The following CTNNBIP1 variants were observed in gnomAD, a reference collection of about 807,000 sequenced individuals.
CTNNBIP1 encodes catenin beta interacting protein 1, also known as beta-catenin-interacting protein 1.
A neutral mutation model predicts 11.8 loss-of-function variants in CTNNBIP1; 7 were observed. That is an observed-to-expected ratio of 0.60 (90% CI 0.34 to 1.12). The LOEUF (loss-of-function observed/expected upper bound fraction) is 1.12, where lower values mean the gene tolerates loss of function less well. CTNNBIP1 is among the 50% of genes most tolerant of loss of function. The probability of loss-of-function intolerance (pLI) is 0.03; values close to 1 mark genes in which losing one functional copy is unlikely to be tolerated. For missense variants in CTNNBIP1, 101 were observed against 113.4 expected (o/e 0.89, Z 0.50); for synonymous variants, 58 against 43.9 (o/e 1.32, Z -1.26).
chr1:9,863,098 C>G (rs1638667805), intron 5 of CTNNBIP1, among the ~76,000 whole-genome samples: 1 of 152,020 alleles, frequency 6.6e-6, no homozygotes, highest in South Asian at 2.1e-4. Flanking sequence ...GCTGAGTAAG[C>G]AGCTGGGGTC....
chr1:9,850,831 C>CAGGACAAGCAAGGAGGCTG (rs1638367715), intron 5 of CTNNBIP1, 55 bp from the exon 6 acceptor site: 2 of 1,562,154 alleles, frequency 1.3e-6, no homozygotes, highest in Non-Finnish European at 1.8e-6. Flanking sequence ...GGCTTGCGAA[C>CAGGACAAGCAAGGAGGCTG]AGGACAAGCA....
chr1:9,854,348 A>G (rs1405425646), intron 5 of CTNNBIP1, among the ~76,000 whole-genome samples: 2 of 149,316 alleles, frequency 1.3e-5, no homozygotes, highest in African/African-American at 5.0e-5. Flanking sequence ...AGCCTGGGCA[A>G]CAAGAGTGAA....
At chr1:9,902,362 A>T (rs1391012720) in intron 1 of CTNNBIP1, among the ~76,000 whole-genome samples, 2 of 152,192 alleles carry the variant, frequency 1.3e-5, no homozygotes, top group African/African-American at 4.8e-5. Context: ...CTTTGAAAAG[A>T]AATCCTCAAT....
At chr1:9,907,977 C>T (rs1371467382) in intron 1 of CTNNBIP1, among the ~76,000 whole-genome samples, 2 of 152,234 alleles carry the variant, frequency 1.3e-5, no homozygotes, top group African/African-American at 4.8e-5. Context: ...TAAAACCCTC[C>T]AATGGCCTCT....
intron 5 of CTNNBIP1, among the ~76,000 whole-genome samples, chr1:9,864,008 C>T (rs552873589): frequency 4.9e-4 from 75 of 152,338 alleles, no homozygotes; most frequent in Admixed American, 1.1e-3. Context: ...CAGTGTAACC[C>T]TCAAGCCAAC....
chr1:9,854,802 G>A (rs970811968), intron 5 of CTNNBIP1, among the ~76,000 whole-genome samples: 7 of 152,014 alleles, frequency 4.6e-5, no homozygotes, highest in Admixed American at 6.6e-5. Context: ...TCAACCTCCC[G>A]AGTAGCTGGG....
Position 9,849,153 on chromosome 1 carries a change from C to G in CTNNBIP1, c.*1565G>C, listed in dbSNP as rs1638323204. ...TGAGCCAGGGAGATAGGAGGACCAC[C>G]TCCCTCCCAGGGAAGGGGGTGGCAG... On this transcript the variant is annotated 3_prime_UTR_variant, in exon 6 of 6. Transcript: ENST00000377263. The G allele has an allele frequency of 6.6e-6, 1 of 152,314 alleles. No homozygotes were observed. The highest frequency in any genetic ancestry group is 1.5e-5 in the Non-Finnish European group (1 of 68,126). 9.4% of individuals were successfully genotyped at this position (152,314 alleles called of 1,614,324 possible). A position where few individuals can be genotyped will look rare whatever the true frequency, so the allele number is the denominator to read the frequency against.
chr1:9,866,886 A>G (rs1638758703), intron 5 of CTNNBIP1, among the ~76,000 whole-genome samples: 1 of 152,024 alleles, frequency 6.6e-6, no homozygotes, highest in African/African-American at 2.4e-5. Flanking sequence ...AGAATGAAGC[A>G]GGTCTGGGGA....
chr1:9,884,673 G>A (rs766741520), intron 1 of CTNNBIP1, among the ~76,000 whole-genome samples: 10 of 152,160 alleles, frequency 6.6e-5, no homozygotes, highest in Admixed American at 2.6e-4. Context: ...CCCCAAATGC[G>A]TATGTACATC....
chr1:9,908,443 G>C (rs1484696624), intron 1 of CTNNBIP1, among the ~76,000 whole-genome samples: 1 of 146,470 alleles, frequency 6.8e-6, no homozygotes, highest in Non-Finnish European at 1.5e-5. Context: ...GCGTGACCTC[G>C]GCTCACTGCA....
intron 1 of CTNNBIP1, among the ~76,000 whole-genome samples, chr1:9,896,557 G>A (rs1013139430): frequency 3.3e-5 from 5 of 151,922 alleles, no homozygotes; most frequent in African/African-American, 9.7e-5. Context: ...AAATTAGGCC[G>A]GCCATGGCGG....
chr1:9,898,875 T>C (rs969308082), intron 1 of CTNNBIP1, among the ~76,000 whole-genome samples: 3 of 152,244 alleles, frequency 2.0e-5, no homozygotes, highest in African/African-American at 7.2e-5. Context: ...TAAATAGTTA[T>C]ACTATATTGG....
At chr1:9,859,798 G>C (rs80060692) in intron 5 of CTNNBIP1, among the ~76,000 whole-genome samples, 20 of 152,222 alleles carry the variant, frequency 1.3e-4, no homozygotes, top group Admixed American at 8.5e-4. Flanking sequence ...GGAGCCTAGT[G>C]CTGCACTAGC....
At position 9,877,833 on chromosome 1, in the gene CTNNBIP1, A is replaced by G. The variant is rs550687897; in HGVS notation, c.-25+72T>C. The stretch of plus-strand genomic sequence containing the variant: ...GATCAGCCCTGGAGCCTGGCGTCCA[A>G]TAGGACTCCTCACCCCCCACCCCAC... On this transcript the variant is annotated intron_variant, in intron 3 of 5. Transcript: ENST00000377263. 14 of 152,812 alleles carry G rather than the reference A, an allele frequency of 9.2e-5. No homozygotes were observed. The East Asian group carries it at 2.3e-3, about 25-fold the overall frequency. 9.5% of individuals were successfully genotyped at this position (152,812 alleles called of 1,614,324 possible).
At chr1:9,899,811 C>G (rs564834193) in intron 1 of CTNNBIP1, among the ~76,000 whole-genome samples, 1 of 151,884 alleles carries the variant, frequency 6.6e-6, no homozygotes, top group Non-Finnish European at 1.5e-5. Context: ...TGGTGGCTCA[C>G]GCCTGTAATC....
chr1:9,862,958 G>A (rs987027245), intron 5 of CTNNBIP1, among the ~76,000 whole-genome samples: 1 of 152,228 alleles, frequency 6.6e-6, no homozygotes, highest in African/African-American at 2.4e-5. Context: ...CAGGGCTTGA[G>A]GGGGGAAGTG....
chr1:9,879,430 G>A (rs1639037674), intron 2 of CTNNBIP1, among the ~76,000 whole-genome samples: 1 of 152,104 alleles, frequency 6.6e-6, no homozygotes, highest in African/African-American at 2.4e-5. Flanking sequence ...GTTTTCCAGA[G>A]AAAGCGGGAT....
At chr1:9,886,814 G>C (rs561196696) in intron 1 of CTNNBIP1, among the ~76,000 whole-genome samples, 27 of 152,230 alleles carry the variant, frequency 1.8e-4, no homozygotes, top group African/African-American at 6.3e-4. Flanking sequence ...GTCCTCTAGC[G>C]ACATCAAAAA....
Position 9,872,120 on chromosome 1 carries a change from G to A in CTNNBIP1, c.-24-32C>T. On this transcript the variant is annotated intron_variant, in intron 3 of 5. Coordinates refer to ENST00000377263, the MANE Select transcript of CTNNBIP1 (RefSeq NM_020248.3). The surrounding 1 kb of genome is among the most constrained non-coding windows in gnomAD (Gnocchi z 4.0). ...AGCAAGCAACAGCATCAAAAGGGAA[G>A]AGATCAGGATGTGACATACTGGGAC... The A allele has an allele frequency of 7.4e-7, 1 of 1,351,624 alleles. No homozygotes were observed. Among genetic ancestry groups the A allele is most frequent in the Non-Finnish European group, 1.1e-6 (1 of 942,078 alleles). 83.7% of individuals were successfully genotyped at this position (1,351,624 alleles called of 1,614,324 possible).
Sources: gnomAD v4.1 joint callset for allele counts (sites outside exome capture counted in the v4.1 genomes callset) on GRCh38, gnomAD v4.1.1 for gene constraint, Gnocchi (gnomAD v3.1) non-coding constraint, MANE v1.5 for transcripts, NCBI Gene and HGNC (gene_info 2026-07-23, HGNC 2026-07-21) for gene names.